Variants in TRIM38 observed in about 807,000 individuals in gnomAD.
TRIM38 encodes the protein tripartite motif containing 38.
TRIM38 carries 35 observed loss-of-function variants against 35.8 expected under a neutral mutation model. The observed-to-expected ratio is 0.98, with a 90% CI of 0.75 to 1.30. The LOEUF (loss-of-function observed/expected upper bound fraction) is 1.30. Ranked by LOEUF, TRIM38 falls within the 50% of genes most tolerant of loss-of-function variation. The probability of loss-of-function intolerance (pLI) is 0.00; values close to 1 mark genes in which losing one functional copy is unlikely to be tolerated. For missense variants in TRIM38, 545 were observed against 556.9 expected (o/e 0.98, Z 0.21); for synonymous variants, 198 against 204.7 (o/e 0.97, Z 0.28).
intron 3 of TRIM38, among the ~76,000 whole-genome samples, chr6:25,968,490 A>G (rs1760128246): frequency 6.6e-6 from 1 of 152,208 alleles, no homozygotes; most frequent in Non-Finnish European, 1.5e-5. Context: ...CTTTGAGGAC[A>G]TTAAAATATA....
At chr6:25,979,177 A>G (rs972476735) in intron 7 of TRIM38, among the ~76,000 whole-genome samples, 3 of 151,980 alleles carry the variant, frequency 2.0e-5, no homozygotes, top group Admixed American at 2.0e-4. Flanking sequence ...TTGCAAATAT[A>G]AAATTTGGTT....
rs28392884 is a variant in TRIM38 at position 25,966,358 on chromosome 6, T to G, written c.-165T>G. The G allele has an allele frequency of 1.3e-5, 9 of 679,688 alleles. No homozygotes were observed. Among genetic ancestry groups the G allele is most frequent in the Non-Finnish European group, 1.8e-5 (8 of 437,550 alleles). 42.1% of individuals were successfully genotyped at this position (679,688 alleles called of 1,614,324 possible). ...AGGTCCTCTTTTCTTCAATACAAAA[T>G]GAGATAATAGGGGTTGGAAGGAAAA... On this transcript the variant is annotated 5_prime_UTR_variant, in exon 3 of 8. An upstream start codon of the reference 5' UTR is lost. Coordinates refer to ENST00000357085, the MANE Select transcript of TRIM38 (RefSeq NM_006355.5).
At position 25,973,034 on chromosome 6, in the gene TRIM38, T is replaced by C. The variant is rs1414119932; in HGVS notation, c.739-20T>C. Reference sequence around the variant, plus strand: ...ATACCGATGTTCCCATGCTCACCTTTTCTTTTTGTTTCTTTATAGAATGTG... The same window carrying C: ...ATACCGATGTTCCCATGCTCACCTTCTCTTTTTGTTTCTTTATAGAATGTG... On this transcript the variant is annotated intron_variant, in intron 5 of 7. Transcript: ENST00000357085. The C allele has an allele frequency of 1.2e-6, 2 of 1,614,032 alleles. No individual in the cohort carries two copies. The highest frequency in any genetic ancestry group is 1.3e-5 in the African/African-American group (1 of 74,926).
In TRIM38 at chr6:25,963,056, A is replaced by C. The variant is rs1759899436; in HGVS notation, c.-415A>C. On this transcript the variant is annotated 5_prime_UTR_variant, in exon 2 of 8. Transcript: ENST00000357085. ...TGCTCTTTCTTTCACCAGACTTTAC[A>C]CCAAATCTCAGAAGATTCAGAACTT... is the stretch of plus-strand genomic sequence containing the variant. The C allele has an allele frequency of 6.6e-6, 1 of 152,214 alleles. No homozygotes were observed. The highest frequency in any genetic ancestry group is 2.1e-4 in the South Asian group (1 of 4,814). 9.4% of individuals were successfully genotyped at this position (152,214 alleles called of 1,614,324 possible). A position where few individuals can be genotyped will look rare whatever the true frequency, so the allele number is the denominator to read the frequency against.
In TRIM38 at chr6:25,966,419, C is replaced by T; in HGVS notation, c.-104C>T. On this transcript the variant is annotated 5_prime_UTR_variant, in exon 3 of 8. Transcript: ENST00000357085. ...CTATGGAAGTCAGTTGCAGCCAGCT[C>T]ATCACATAGAGGTGCAGGTGAGGTG... The T allele has an allele frequency of 1.6e-6, 2 of 1,226,292 alleles. No individual in the cohort carries two copies. Among genetic ancestry groups the T allele is most frequent in the Non-Finnish European group, 2.2e-6 (2 of 905,974 alleles). 76.0% of individuals were successfully genotyped at this position (1,226,292 alleles called of 1,614,324 possible).
intron 5 of TRIM38, 25 bp downstream of exon 5, chr6:25,972,124 G>GA (rs1252160495): frequency 6.3e-7 from 1 of 1,594,458 alleles, no homozygotes; most frequent in African/African-American, 1.4e-5. Context: ...TTGGAGTAGG[G>GA]AAAAAAGGTA....
intron 7 of TRIM38, among the ~76,000 whole-genome samples, chr6:25,977,816 T>G (rs1760441117): frequency 6.6e-6 from 1 of 152,174 alleles, no homozygotes; most frequent in Non-Finnish European, 1.5e-5. Flanking sequence ...AATTGCTAGG[T>G]TGGTGAGAGA....
At chr6:25,965,366 A>C (rs1466959530) in intron 2 of TRIM38, among the ~76,000 whole-genome samples, 1 of 152,248 alleles carries the variant, frequency 6.6e-6, no homozygotes, top group Admixed American at 6.5e-5. Flanking sequence ...TTATTAAGTT[A>C]AATTTAAATT....
At chr6:25,967,080 T>C (rs1397930497) in intron 3 of TRIM38, 147 bp downstream of exon 3, 12 of 930,470 alleles carry the variant, frequency 1.3e-5, no homozygotes, top group Non-Finnish European at 1.9e-5. Context: ...TTTATGATGA[T>C]TTCTTGCTCA....
intron 7 of TRIM38, among the ~76,000 whole-genome samples, chr6:25,981,686 TAA>T (rs1415093976): frequency 6.6e-6 from 1 of 152,178 alleles, no homozygotes; most frequent in Non-Finnish European, 1.5e-5. Context: ...AGCTTACAAT[TAA>T]AAGTCATGGG....
chr6:25,982,383 T>C (rs1255057099), intron 7 of TRIM38, among the ~76,000 whole-genome samples: 1 of 152,208 alleles, frequency 6.6e-6, no homozygotes, highest in Non-Finnish European at 1.5e-5. Context: ...CCTCACGTCC[T>C]CACCACCTGC....
At chr6:25,975,096 G>A (rs1445277794) in intron 7 of TRIM38, 5 of 935,782 alleles carry the variant, frequency 5.3e-6, no homozygotes, top group South Asian at 4.9e-5. Flanking sequence ...GCAGTGGTGC[G>A]ATCTCGGCTC....
chr6:25,967,895 G>C (rs1760112524), intron 3 of TRIM38, among the ~76,000 whole-genome samples: 1 of 152,062 alleles, frequency 6.6e-6, no homozygotes, highest in Non-Finnish European at 1.5e-5. Flanking sequence ...TATAAGAAAG[G>C]GAGGAGAGGG....
At chr6:25,968,510 G>A (rs1429252985) in intron 3 of TRIM38, among the ~76,000 whole-genome samples, 1 of 152,142 alleles carries the variant, frequency 6.6e-6, no homozygotes, top group East Asian at 1.9e-4. Context: ...AGAATGCATA[G>A]AATAGCACTT....
At chr6:25,981,029 G>C (rs1389548087) in intron 7 of TRIM38, among the ~76,000 whole-genome samples, 2 of 152,220 alleles carry the variant, frequency 1.3e-5, no homozygotes. Flanking sequence ...TGAAAAAGGA[G>C]GGTATTTACA....
rs771920836 is a variant in TRIM38, at chr6:25,973,286, G to T, written c.874+1G>T. 1 of 1,613,006 alleles carries T rather than the reference G, an allele frequency of 6.2e-7. No homozygotes were observed. The highest frequency in any genetic ancestry group is 8.5e-7 in the Non-Finnish European group (1 of 1,179,834). The stretch of plus-strand genomic sequence containing the variant: ...AAGAAAATGTTAAGGAGTCATCAAG[G>T]TATGTTCACTAAAGAATTCCTGAAT... On this transcript the variant is annotated splice_donor_variant, in intron 7 of 7. Transcript: ENST00000357085. LOFTEE classifies it high-confidence loss of function.
Position 25,990,018 on chromosome 6 carries a change from T to C in TRIM38, c.*6331T>C, listed in dbSNP as rs1760802383. On this transcript the variant is annotated 3_prime_UTR_variant, in exon 8 of 8. Coordinates refer to ENST00000357085, the MANE Select transcript of TRIM38 (RefSeq NM_006355.5). ...GTCTACTTTATCATCCTTTTTTTTT[T>C]TTTCTTTCTTCCTTTTTAGATACAG... 3 of 151,808 alleles carry C rather than the reference T, an allele frequency of 2.0e-5. No individual in the cohort carries two copies. The highest frequency in any genetic ancestry group is 2.1e-4 in the South Asian group (1 of 4,808). 9.4% of individuals were successfully genotyped at this position (151,808 alleles called of 1,614,324 possible).
rs1345324860 is a variant in TRIM38, at chr6:25,987,626, T to TC, written c.*3945dup. ...AACTGTAACTATTGAAGCAAAAATG[T>TC]CCCCCCACCATAGACATCCAGCACC... On this transcript the variant is annotated 3_prime_UTR_variant, in exon 8 of 8. Transcript: ENST00000357085. 1 of 151,946 alleles carries TC rather than the reference T, an allele frequency of 6.6e-6. No homozygotes were observed. Among genetic ancestry groups the TC allele is most frequent in the Non-Finnish European group, 1.5e-5 (1 of 67,986 alleles). 9.4% of individuals were successfully genotyped at this position (151,946 alleles called of 1,614,324 possible). A position where few individuals can be genotyped will look rare whatever the true frequency, so the allele number is the denominator to read the frequency against.
intron 7 of TRIM38, among the ~76,000 whole-genome samples, chr6:25,979,352 C>T (rs1760483825): frequency 6.6e-6 from 1 of 151,994 alleles, no homozygotes; most frequent in East Asian, 1.9e-4. Context: ...GATAAAGATG[C>T]ACGTTTTATT....
Sources: allele counts gnomAD v4.1 joint callset (sites outside exome capture counted in the v4.1 genomes callset), GRCh38; gene constraint gnomAD v4.1.1; transcripts MANE v1.5; gene names NCBI Gene and HGNC (gene_info 2026-07-23, HGNC 2026-07-21).